Variants in LYRM4 observed in about 807,000 individuals in gnomAD.
LYRM4 encodes LYR motif containing 4.
A neutral mutation model predicts 11.7 loss-of-function variants in LYRM4; 9 were observed. The observed-to-expected ratio is 0.77, with a 90% CI of 0.46 to 1.34. The LOEUF is 1.34. LYRM4 is among the 40% of genes most tolerant of loss of function. The pLI is 0.00. For synonymous variants in LYRM4, 42 were observed against 40.4 expected (o/e 1.04, Z -0.15); for missense variants, 133 against 112.5 (o/e 1.18, Z -0.82).
intron 1 of LYRM4, among the ~76,000 whole-genome samples, chr6:5,256,819 C>T (rs182288261): frequency 6.6e-6 from 1 of 152,276 alleles, no homozygotes; most frequent in Admixed American, 6.5e-5. Context: ...TTCTGTATTA[C>T]CTGAGTCAGT....
At chr6:5,206,911 T>C (rs1274663313) in intron 2 of LYRM4, among the ~76,000 whole-genome samples, 1 of 152,110 alleles carries the variant, frequency 6.6e-6, no homozygotes, top group Non-Finnish European at 1.5e-5. Context: ...GCAGCTTCAT[T>C]ACCAGACTAG....
At chr6:5,037,009 A>ATT in the LYRM4 span, among the ~76,000 whole-genome samples, 212 of 28,720 alleles carry the variant, frequency 7.4e-3, 57 homozygotes, top group South Asian at 0.045. Flanking sequence ...TTTAGCTTGT[A>ATT]TTTTTTTTTT....
chr6:5,184,085 T>C (rs1760238577), intron 2 of LYRM4, among the ~76,000 whole-genome samples: 2 of 152,252 alleles, frequency 1.3e-5, no homozygotes, highest in African/African-American at 4.8e-5. Context: ...ATACTTTTTT[T>C]TTCTTGTGTA....
At chr6:5,154,735 C>T (rs557670564) in intron 2 of LYRM4, among the ~76,000 whole-genome samples, 21 of 152,250 alleles carry the variant, frequency 1.4e-4, no homozygotes, top group East Asian at 5.8e-4. Context: ...AGGAGAATGG[C>T]GTGAACCCGG....
chr6:5,252,822 G>A (rs1239251217), intron 1 of LYRM4, among the ~76,000 whole-genome samples: 3 of 150,146 alleles, frequency 2.0e-5, no homozygotes, highest in South Asian at 4.3e-4. Context: ...TCAGGCATAA[G>A]CATGAGAGGA....
chr6:5,240,020 G>T (rs546220722), intron 1 of LYRM4, among the ~76,000 whole-genome samples: 1 of 152,294 alleles, frequency 6.6e-6, no homozygotes, highest in East Asian at 1.9e-4. Flanking sequence ...CAGGGCCTGT[G>T]GTCTAGGATC....
the LYRM4 span, among the ~76,000 whole-genome samples, chr6:5,075,894 A>G: frequency 1.3e-5 from 2 of 152,088 alleles, no homozygotes; most frequent in African/African-American, 4.8e-5. Flanking sequence ...CTCCCACTTC[A>G]TACACCTTAG....
At chr6:5,091,262 C>T in the LYRM4 span, among the ~76,000 whole-genome samples, 1 of 152,180 alleles carries the variant, frequency 6.6e-6, no homozygotes, top group Non-Finnish European at 1.5e-5. Context: ...CCCGGCCTCC[C>T]CTCCTACAGA....
intron 1 of LYRM4, among the ~76,000 whole-genome samples, chr6:5,242,324 G>A (rs1296039686): frequency 2.6e-5 from 4 of 151,480 alleles, no homozygotes; most frequent in Admixed American, 1.3e-4. Context: ...TGCCCGCCTC[G>A]GCCTCCCCAA....
the LYRM4 span, among the ~76,000 whole-genome samples, chr6:5,037,009 A>AT: frequency 0.032 from 924 of 28,716 alleles, 270 homozygotes; most frequent in African/African-American, 0.078. Flanking sequence ...TTTAGCTTGT[A>AT]TTTTTTTTTT....
At chr6:5,040,372 C>T in the LYRM4 span, among the ~76,000 whole-genome samples, 1 of 147,986 alleles carries the variant, frequency 6.8e-6, no homozygotes. Flanking sequence ...TACATACATA[C>T]ATACATACAT....
At chr6:5,251,401 T>A (rs1219305935) in intron 1 of LYRM4, among the ~76,000 whole-genome samples, 1 of 152,174 alleles carries the variant, frequency 6.6e-6, no homozygotes, top group Non-Finnish European at 1.5e-5. Flanking sequence ...TGGCTCACAG[T>A]TCTGCAGGCT....
At chr6:5,232,328 A>G (rs1763290783) in intron 1 of LYRM4, among the ~76,000 whole-genome samples, 2 of 152,230 alleles carry the variant, frequency 1.3e-5, no homozygotes, top group African/African-American at 4.8e-5. Flanking sequence ...TTGACTGGAC[A>G]GCCCAGCTGT....
chr6:5,247,896 A>C (rs1409285620), intron 1 of LYRM4, among the ~76,000 whole-genome samples: 1 of 152,246 alleles, frequency 6.6e-6, no homozygotes, highest in East Asian at 1.9e-4. Flanking sequence ...AGTTATAATT[A>C]ATCGGCAAAT....
At chr6:5,200,448 G>A (rs1761323242) in intron 2 of LYRM4, among the ~76,000 whole-genome samples, 1 of 152,170 alleles carries the variant, frequency 6.6e-6, no homozygotes, top group East Asian at 1.9e-4. Context: ...CCGGGTGGAA[G>A]CACATGAAAT....
rs542502335 is a variant in LYRM4, at chr6:5,165,329, T to C, written c.207+51289A>G. Among the ~76,000 whole-genome samples, 66 of 152,308 alleles carry C rather than the reference T, an allele frequency of 4.3e-4. No individual in the cohort carries two copies. In the East Asian group the frequency reaches 0.012, roughly 28 times the overall value. On this transcript the variant is annotated intron_variant, in intron 2 of 2. Transcript: ENST00000330636. ...TTCAAAGAACTGTAATGCAATATCA[T>C]AAAAAAGGCACAGCAGCTTTAAGTG...
chr6:5,085,306 C>T, the LYRM4 span: 4 of 541,358 alleles, frequency 7.4e-6, no homozygotes, highest in Admixed American at 7.4e-5. Flanking sequence ...CCTGGGCAGC[C>T]GCAGCTAAAA....
chr6:5,185,223 G>A (rs1760317110), intron 2 of LYRM4, among the ~76,000 whole-genome samples: 1 of 152,216 alleles, frequency 6.6e-6, no homozygotes. Context: ...ATGGGTGAAC[G>A]AATGAATGAA....
chr6:5,080,010 C>T, the LYRM4 span, among the ~76,000 whole-genome samples: 1 of 152,174 alleles, frequency 6.6e-6, no homozygotes, highest in South Asian at 2.1e-4. Context: ...GTTCTATTAC[C>T]ATGGGAATAT....
Sources: allele counts gnomAD v4.1 joint callset (sites outside exome capture counted in the v4.1 genomes callset), GRCh38; gene constraint gnomAD v4.1.1; transcripts MANE v1.5; gene names NCBI Gene and HGNC (gene_info 2026-07-23, HGNC 2026-07-21).